DNAH8: variants seen among roughly 807,000 people sequenced by gnomAD.
DNAH8 encodes the protein dynein axonemal heavy chain 8.
In DNAH8, 382 loss-of-function variants were observed where a neutral mutation model predicts 562.1. The observed-to-expected ratio is 0.68, with a 90% CI of 0.63 to 0.74. The LOEUF is 0.74. DNAH8 is among the 30% of genes least tolerant of loss of function. The pLI, the probability that DNAH8 is intolerant of heterozygous loss-of-function variation, is 0.00. For missense variants in DNAH8, 5,203 were observed against 5,620.4 expected, an observed-to-expected ratio of 0.93 and a Z score of 2.37; for synonymous variants, 1,881 against 1,919.4, an observed-to-expected ratio of 0.98 and a Z score of 0.52.
chr6:38,923,464 C>T (rs113546539), intron 72 of DNAH8: 2 of 270,780 alleles, frequency 7.4e-6, no homozygotes, highest in Admixed American at 9.8e-5. Flanking sequence ...CTATGCTTCA[C>T]CTCAATGATT....
At chr6:39,008,500 A>G (rs530074586) in intron 88 of DNAH8, among the ~76,000 whole-genome samples, 2 of 152,278 alleles carry the variant, frequency 1.3e-5, no homozygotes, top group South Asian at 4.2e-4. Context: ...GCTGTTCAGC[A>G]TGAGGTGGTC....
chr6:38,974,345 A>G (rs1763537374), intron 84 of DNAH8, 29 bp from the exon 85 acceptor site: 1 of 1,553,214 alleles, frequency 6.4e-7, no homozygotes, highest in Non-Finnish European at 8.7e-7. Flanking sequence ...ATTTATAGAA[A>G]CAAAAGCACT....
intron 80 of DNAH8, among the ~76,000 whole-genome samples, chr6:38,948,211 C>T (rs1485354070): frequency 6.6e-6 from 1 of 152,162 alleles, no homozygotes; most frequent in African/African-American, 2.4e-5. Context: ...CTCTATGCCT[C>T]AATAAAAAGT....
chr6:38,791,677 A>G lies in DNAH8; in HGVS notation c.2901+3A>G, dbSNP rs768459108. ...AAGATATGTTGACCCTCAATGAGGT[A>G]TGCATTTGTTCATTAAATTAGAATC... On this transcript the variant is annotated splice_donor_region_variant and intron_variant, in intron 21 of 92. Coordinates refer to ENST00000327475, the MANE Select transcript of DNAH8 (RefSeq NM_001206927.2). 7 of 1,608,736 alleles carry G rather than the reference A, an allele frequency of 4.4e-6. No individual in the cohort carries two copies. Among genetic ancestry groups the G allele is most frequent in the Non-Finnish European group, 5.1e-6 (6 of 1,178,740 alleles).
intron 91 of DNAH8, among the ~76,000 whole-genome samples, chr6:39,016,361 C>T (rs563302499): frequency 6.5e-4 from 99 of 152,098 alleles, no homozygotes; most frequent in Non-Finnish European, 2.1e-4. Flanking sequence ...ACCATCCTGG[C>T]TAACACGGTG....
At chr6:38,975,401 A>C (rs938867940) in intron 85 of DNAH8, among the ~76,000 whole-genome samples, 6 of 152,200 alleles carry the variant, frequency 3.9e-5, no homozygotes, top group Non-Finnish European at 7.3e-5. Context: ...AAAATAAATC[A>C]GTTGGTCTAT....
chr6:38,762,194 G>A lies in DNAH8; in HGVS notation c.1617+391G>A, dbSNP rs71571351. 2.5e-3 allele frequency among the ~76,000 whole-genome samples: 381 copies of A among 152,176 alleles called. 1 individual carries two copies. Among genetic ancestry groups the A allele is most frequent in the African/African-American group, 4.5e-3 (187 of 41,512 alleles). On this transcript the variant is annotated intron_variant, in intron 11 of 92. Transcript: ENST00000327475. ...TGGTTTAGAAGACAATGTTTCTAAC[G>A]TTTCCCCCATTTAGTTGGATGCTTT...
At position 38,843,981 on chromosome 6, in the gene DNAH8, A is replaced by G. The variant is rs1204861946; in HGVS notation, c.4845+1078A>G. On this transcript the variant is annotated intron_variant, in intron 35 of 92. Coordinates refer to ENST00000327475, the MANE Select transcript of DNAH8 (RefSeq NM_001206927.2). ...TCCTCTACTGTGCTGTGGTGTGATG[A>G]TCCAGGAATGTGCTGACCTATTTCA... Among the ~76,000 whole-genome samples the G allele has an allele frequency of 5.9e-5, 9 of 151,922 alleles. No homozygotes were observed. The South Asian group carries it at 1.7e-3, about 28-fold the overall frequency.
At chr6:38,937,880 A>T (rs926795737) in intron 77 of DNAH8, 94 bp from the exon 78 acceptor site, 21 of 1,443,426 alleles carry the variant, frequency 1.5e-5, no homozygotes, top group Admixed American at 2.1e-5. Context: ...ATCAAGTTGA[A>T]AGCTAACAGC....
chr6:38,823,023 G>C lies in DNAH8; in HGVS notation c.3709G>C (p.Val1237Leu), dbSNP rs745525934. ...GACTCTCTGGACAGAGGACCGCGAT[G>C]TGAAAGTGAAGGTGTCTTTCTGCTA... ...YKTLWTEDRD[V>L]KVKEFLANNP... Residue 1237 changes from valine to leucine, a missense_variant, in exon 27 of 93, where the codon GTG (valine) becomes CTG (leucine). Val to Leu is a conservative substitution (Grantham distance 32, BLOSUM62 1). Transcript: ENST00000327475. 3 of 1,574,572 alleles carry C rather than the reference G, an allele frequency of 1.9e-6. No individual in the cohort carries two copies. Among genetic ancestry groups the C allele is most frequent in the Middle Eastern group, 1.7e-4 (1 of 5,822 alleles).
At chr6:38,986,691 G>A (rs926895389) in intron 87 of DNAH8, among the ~76,000 whole-genome samples, 3 of 152,222 alleles carry the variant, frequency 2.0e-5, no homozygotes, top group African/African-American at 7.2e-5. Context: ...AATTCACCAA[G>A]AGTAACAGCA....
At position 39,029,978 on chromosome 6, in the gene DNAH8, C is replaced by G; in HGVS notation, c.13837-127C>G. 4.1e-6 allele frequency: 3 copies of G among 727,074 alleles called. No homozygotes were observed. In the East Asian group the frequency reaches 8.0e-5, roughly 19 times the overall value. 45.0% of individuals were successfully genotyped at this position (727,074 alleles called of 1,614,324 possible). On this transcript the variant is annotated intron_variant, in intron 92 of 92. Transcript: ENST00000327475. Reference sequence around the variant, plus strand: ...CACGAATGCAATGTACCCGGTGGTGCTTTCTCCCTTTGGTAGTGTTTTAAG... The same window carrying G: ...CACGAATGCAATGTACCCGGTGGTGGTTTCTCCCTTTGGTAGTGTTTTAAG...
Position 38,807,649 on chromosome 6 carries a change from C to T in DNAH8, c.3190C>T (p.Leu1064=). 1.3e-6 allele frequency: 2 copies of T among 1,565,360 alleles called. No individual in the cohort carries two copies. Among genetic ancestry groups the T allele is most frequent in the Non-Finnish European group, 1.7e-6 (2 of 1,159,428 alleles). The change falls in exon 24 of 93, where the codon CTA becomes TTA. Residue 1064 remains leucine (L), a synonymous_variant. Coordinates refer to ENST00000327475, the MANE Select transcript of DNAH8 (RefSeq NM_001206927.2). The part of the protein sequence containing the change: ...EVFAFFSHQL[L]DSLQKATRLS... ...CTTTGCTTTTTTCTCTCATCAATTA[C>T]TAGACAGTCTTCAAAAAGCTACACG...
Position 38,725,020 on chromosome 6 carries a change from C to T in DNAH8, c.525+1549C>T, listed in dbSNP as rs544365964. Among the ~76,000 whole-genome samples, 14 of 152,052 alleles carry T rather than the reference C, an allele frequency of 9.2e-5. No homozygotes were observed. In the South Asian group the frequency reaches 1.0e-3, roughly 11 times the overall value. ...GAACCGTGCCTAAAAGAGCTACTCC[C>T]GGCCGGGCGCAGTAGCTCACACCTG... On this transcript the variant is annotated intron_variant, in intron 3 of 92. Coordinates refer to ENST00000327475, the MANE Select transcript of DNAH8 (RefSeq NM_001206927.2).
rs1428985341 is a variant in DNAH8, at chr6:38,926,050, T to G, written c.10963-5T>G. The G allele has an allele frequency of 1.2e-6, 2 of 1,612,370 alleles. No homozygotes were observed. Among genetic ancestry groups the G allele is most frequent in the African/African-American group, 2.7e-5 (2 of 74,860 alleles). On this transcript the variant is annotated splice_region_variant and splice_polypyrimidine_tract_variant and intron_variant, in intron 73 of 92. Coordinates refer to ENST00000327475, the MANE Select transcript of DNAH8 (RefSeq NM_001206927.2). ...GAATGGTGATATCCATTTCCTGTTG[T>G]TCAGATTGGTGAGTGGGGGCTACAG...
chr6:38,992,921 T>C (rs1440040558), intron 88 of DNAH8, among the ~76,000 whole-genome samples: 2 of 152,240 alleles, frequency 1.3e-5, no homozygotes, highest in African/African-American at 4.8e-5. Flanking sequence ...CCAACAATTG[T>C]TCATGTTTTG....
rs370597402 is a variant in DNAH8 at position 38,915,321 on chromosome 6, G to A, written c.10084G>A (p.Glu3362Lys). Residue 3362 changes from glutamate to lysine, a missense_variant, in exon 68 of 93, where the codon GAA becomes AAA. By Grantham distance (56) the Glu-to-Lys change is moderately conservative. Around this residue, in one of 6 missense-constraint regions of DNAH8, gnomAD observed 87 missense variants for 144.9 expected, o/e 0.60. Transcript: ENST00000327475. ...AATTGATAGTGAAAAAGTGAAAGCT[G>A]AAAGCAAGCTTGAGGCAGCTAAACC... ...DEIDSEKVKA[E>K]SKLEAAKPAL... The A allele has an allele frequency of 2.5e-6, 4 of 1,610,090 alleles. No homozygotes were observed. In the African/African-American group the frequency reaches 5.4e-5, roughly 22 times the overall value.
intron 14 of DNAH8, among the ~76,000 whole-genome samples, chr6:38,779,238 G>A (rs1174107513): frequency 6.6e-6 from 1 of 152,140 alleles, no homozygotes; most frequent in African/African-American, 2.4e-5. Flanking sequence ...TGGTTCCACG[G>A]CTGTAATGAT....
intron 41 of DNAH8, among the ~76,000 whole-genome samples, chr6:38,855,366 TAAATAAAATAA>T (rs1168366900): frequency 2.0e-5 from 3 of 152,168 alleles, no homozygotes; most frequent in Admixed American, 1.3e-4. Context: ...TTCCGAAACT[TAAATAAAATAA>T]AAATAAAATA....
Sources: gnomAD v4.1 joint callset for allele counts (sites outside exome capture counted in the v4.1 genomes callset) on GRCh38, gnomAD v4.1.1 for gene constraint, gnomAD v4.1.1 regional missense constraint, MANE v1.5 for transcripts, NCBI Gene and HGNC (gene_info 2026-07-23, HGNC 2026-07-21) for gene names.